The following AGAP2 variants were observed in gnomAD, a reference collection of about 807,000 sequenced individuals.
AGAP2 encodes the protein ArfGAP with GTPase domain, ankyrin repeat and PH domain 2, also known as arf-GAP with GTPase, ANK repeat and PH domain-containing protein 2.
A neutral mutation model predicts 110.9 loss-of-function variants in AGAP2; 32 were observed. The observed-to-expected ratio is 0.29, with a 90% CI of 0.22 to 0.39. The LOEUF is 0.39. AGAP2 is among the 10% of genes least tolerant of loss of function. The probability of loss-of-function intolerance (pLI) is 1.00; values close to 1 mark genes in which losing one functional copy is unlikely to be tolerated. For synonymous variants in AGAP2, 702 were observed against 713.0 expected, an observed-to-expected ratio of 0.98 and a Z score of 0.25; for missense variants, 1,285 against 1,638.5, an observed-to-expected ratio of 0.78 and a Z score of 3.72.
intron 2 of AGAP2, 149 bp downstream of exon 2, chr12:57,735,220 C>T: frequency 2.7e-6 from 2 of 730,744 alleles, no homozygotes; most frequent in Admixed American, 5.1e-5. Context: ...CATGTTGGTG[C>T]TATGAAGGCA....
At chr12:57,735,982 T>C (rs1954973374) in intron 1 of AGAP2, among the ~76,000 whole-genome samples, 1 of 152,114 alleles carries the variant, frequency 6.6e-6, no homozygotes, top group Non-Finnish European at 1.5e-5. Context: ...GATTTTCCTA[T>C]GCCTCCATCT....
intron 5 of AGAP2, 121 bp downstream of exon 5, chr12:57,733,905 G>A (rs761892473): frequency 1.7e-6 from 2 of 1,172,256 alleles, no homozygotes; most frequent in Non-Finnish European, 2.3e-6. Flanking sequence ...CCCTCCAGAA[G>A]GGTACTATAA....
Position 57,738,109 on chromosome 12 carries a change from G to A in AGAP2, c.138C>T (p.Gly46=), listed in dbSNP as rs1347914743. 2 of 1,523,048 alleles carry A rather than the reference G, an allele frequency of 1.3e-6. No homozygotes were observed. The highest frequency in any genetic ancestry group is 1.2e-5 in the South Asian group (1 of 83,486). The allele number at this position is 1,523,048 out of a possible 1,614,324, so 94.3% of individuals were successfully genotyped here. A position where few individuals can be genotyped will look rare whatever the true frequency, so the allele number is the denominator to read the frequency against. Residue 46 remains glycine, a synonymous_variant, in exon 1 of 19, where the codon GGC becomes GGT. Coordinates refer to ENST00000547588, the MANE Select transcript of AGAP2 (RefSeq NM_001122772.3). The surrounding 1 kb of genome is among the most constrained non-coding windows in gnomAD (Gnocchi z 6.7). ...GGCTGCCAGGATCCCCAGTCTCGGA[G>A]CCTCTGGCACCGGCGGCGCCGGCCG... ...AAAAGAAGAR[G]SETGDPGSPR...
Position 57,734,006 on chromosome 12 carries a change from C to T in AGAP2, c.1549+20G>A. On this transcript the variant is annotated intron_variant, in intron 5 of 18. Coordinates refer to ENST00000547588, the MANE Select transcript of AGAP2 (RefSeq NM_001122772.3). The stretch of plus-strand genomic sequence containing the variant: ...CTTAGGGCCTCCCTTGAAAGCAGTG[C>T]TTTCCTAACCCCTCCTTACCTTGTG... 6.5e-7 allele frequency: 1 copy of T among 1,546,268 alleles called. No homozygotes were observed. The highest frequency in any genetic ancestry group is 8.7e-7 in the Non-Finnish European group (1 of 1,147,046).
chr12:57,723,841 A>C (rs1169513285), downstream of AGAP2: 15 of 152,168 alleles, frequency 9.9e-5, no homozygotes. Flanking sequence ...GGAACTTCCC[A>C]CTTGCTCTTT....
intron 13 of AGAP2, among the ~76,000 whole-genome samples, chr12:57,728,821 A>T (rs1424380118): frequency 6.6e-6 from 1 of 152,008 alleles, no homozygotes; most frequent in Non-Finnish European, 1.5e-5. Context: ...AAGAATGGGG[A>T]TCACTATGGT....
chr12:57,736,708 C>T (rs932234276), intron 1 of AGAP2, among the ~76,000 whole-genome samples: 1 of 152,230 alleles, frequency 6.6e-6, no homozygotes, highest in African/African-American at 2.4e-5. Flanking sequence ...TCCCCTTCAC[C>T]TTCAACGTCG....
Position 57,737,566 on chromosome 12 carries a change from G to T in AGAP2, c.681C>A (p.Ser227Arg). The T allele has an allele frequency of 6.5e-7, 1 of 1,549,602 alleles. No homozygotes were observed. The highest frequency in any genetic ancestry group is 1.2e-5 in the South Asian group (1 of 84,264). ...GKPRVKGSKS[S>R]AGTGASVSAA... ...CAGAGACCGAAGCTCCAGTCCCGGC[G>T]CTGCTCTTTGACCCCTTGACCCTGG... Residue 227 changes from serine to arginine, a missense_variant, in exon 1 of 19, where the codon AGC becomes AGA. Ser to Arg is a moderately radical substitution (Grantham distance 110, BLOSUM62 -1). Around this residue, in one of 7 missense-constraint regions of AGAP2, gnomAD observed 844 missense variants for 941.2 expected, o/e 0.90. Coordinates refer to ENST00000547588, the MANE Select transcript of AGAP2 (RefSeq NM_001122772.3). This position sits in a 1 kb window ranked among gnomAD's most constrained non-coding sequence, Gnocchi z 5.9.
rs762989519 is a variant in AGAP2 at position 57,732,419 on chromosome 12, G to A, written c.1778C>T (p.Thr593Ile). 3 of 1,605,190 alleles carry A rather than the reference G, an allele frequency of 1.9e-6. No homozygotes were observed. Among genetic ancestry groups the A allele is most frequent in the African/African-American group, 2.7e-5 (2 of 74,840 alleles). The change falls in exon 7 of 19, where the codon ACT (threonine) becomes ATT (isoleucine). Residue 593 changes from threonine to isoleucine, a missense_variant. Thr to Ile is a moderately conservative substitution (Grantham distance 89, BLOSUM62 -1). This residue lies in a region of AGAP2 where 844 missense variants were observed against 941.2 expected (regional missense o/e 0.90). Transcript: ENST00000547588. ...PSSPSHSAAS[T>I]PVAGQASNGG... ...CCAACTCACCTGGCCAGCTACCGGA[G>A]TGGATGCAGCTGAGTGGCTTGGGGA...
chr12:57,737,099 G>T lies in AGAP2; in HGVS notation c.1148C>A (p.Ala383Asp). 6.4e-7 allele frequency: 1 copy of T among 1,551,572 alleles called. No individual in the cohort carries two copies. The highest frequency in any genetic ancestry group is 8.7e-7 in the Non-Finnish European group (1 of 1,149,592). ...CTCACTAGGGGAAGCGCGGAGCTCG[G>T]CGCCCAGCAGCTCCCTGGACCCGCT... ...SGSGSRELLG[A>D]ELRASPKAVI... is the part of the protein sequence containing the mutation. Residue 383 changes from alanine to aspartate, a missense_variant, in exon 1 of 19, where the codon GCC (alanine) becomes GAC (aspartate). Transcript: ENST00000547588. The surrounding 1 kb of genome is among the most constrained non-coding windows in gnomAD (Gnocchi z 5.9).
rs1405474445 is a variant in AGAP2 at position 57,737,482 on chromosome 12, C to T, written c.765G>A (p.Gly255=). The T allele has an allele frequency of 6.2e-7, 1 of 1,607,872 alleles. No individual in the cohort carries two copies. Among genetic ancestry groups the T allele is most frequent in the African/African-American group, 1.3e-5 (1 of 74,886 alleles). ...GGGSTASTSG[G]VGAGAGARGK... ...CTCGGGCTCCAGCCCCAGCCCCGACCCCACCAGAGGTCGAAGCTGTAGAGC... is the reference window on the plus strand; with the variant it reads ...CTCGGGCTCCAGCCCCAGCCCCGACTCCACCAGAGGTCGAAGCTGTAGAGC... Residue 255 remains glycine, a synonymous_variant, in exon 1 of 19, where the codon GGG becomes GGA. Transcript: ENST00000547588. The surrounding 1 kb of genome is among the most constrained non-coding windows in gnomAD (Gnocchi z 5.9).
At chr12:57,732,377 C>T (rs745437367) in intron 7 of AGAP2, 26 bp downstream of exon 7, 8 of 1,561,196 alleles carry the variant, frequency 5.1e-6, no homozygotes, top group Admixed American at 3.8e-5. Context: ...ACCGGCCCCT[C>T]TGCAGACTCT....
Position 57,737,398 on chromosome 12 carries a change from C to G in AGAP2, c.849G>C (p.Pro283=). ...GAGGAGGAGAGCCGGCAGGCGGTCC[C>G]GGATGCAAGTCACTGTTGTCCAAGG... The part of the protein sequence containing the change: ...SKTLDNSDLH[P]GPPAGSPPPL... The change falls in exon 1 of 19, where the codon CCG becomes CCC. Residue 283 remains proline (P), a synonymous_variant. Coordinates refer to ENST00000547588, the MANE Select transcript of AGAP2 (RefSeq NM_001122772.3). This position sits in a 1 kb window ranked among gnomAD's most constrained non-coding sequence, Gnocchi z 5.9. 1 of 1,613,806 alleles carries G rather than the reference C, an allele frequency of 6.2e-7. No homozygotes were observed. Among genetic ancestry groups the G allele is most frequent in the Non-Finnish European group, 8.5e-7 (1 of 1,179,812 alleles).
At chr12:57,741,536 G>C (rs1315311325), upstream of AGAP2, among the ~76,000 whole-genome samples, 2 of 152,096 alleles carry the variant, frequency 1.3e-5, no homozygotes, top group Non-Finnish European at 2.9e-5. Flanking sequence ...TGGGTCCTGG[G>C]AATGAACTCA....
chr12:57,729,175 C>CAAAAAA (rs766183934), intron 13 of AGAP2, among the ~76,000 whole-genome samples: 2 of 36,260 alleles, frequency 5.5e-5, no homozygotes. Flanking sequence ...GACTCCATCT[C>CAAAAAA]AAAAAAAAAA....
chr12:57,738,253 C>G lies in AGAP2; in HGVS notation c.-7G>C. On this transcript the variant is annotated 5_prime_UTR_variant, in exon 1 of 19. Coordinates refer to ENST00000547588, the MANE Select transcript of AGAP2 (RefSeq NM_001122772.3). The surrounding 1 kb of genome is among the most constrained non-coding windows in gnomAD (Gnocchi z 6.7). ...CGCCCGCGCCCCGGCTCATGGGGCC[C>G]GGAGACCCCCGAGCTGGGGAGGGGA... is the stretch of plus-strand genomic sequence containing the variant. 6.6e-7 allele frequency: 1 copy of G among 1,506,960 alleles called. No individual in the cohort carries two copies. Among genetic ancestry groups the G allele is most frequent in the Non-Finnish European group, 8.8e-7 (1 of 1,132,816 alleles). The allele number at this position is 1,506,960 out of a possible 1,614,324, so 93.3% of individuals were successfully genotyped here.
chr12:57,731,858 G>T lies in AGAP2; in HGVS notation c.1904C>A (p.Thr635Asn). 6.2e-7 allele frequency: 1 copy of T among 1,604,966 alleles called. No homozygotes were observed. The highest frequency in any genetic ancestry group is 8.5e-7 in the Non-Finnish European group (1 of 1,175,958). ...GGCTGCCCGGTGCAGGGACCCTGGG[G>T]TGCTCAATCCAGCCACTGCAGCTGC... ...AEAAAVAGLSTPGSLHRAAKR... is the reference protein window; with the variant it reads ...AEAAAVAGLSNPGSLHRAAKR... The change falls in exon 8 of 19, where the codon ACC becomes AAC. Residue 635 changes from threonine (T) to asparagine (N), a missense_variant. Physicochemically the swap from Thr to Asn is moderately conservative, Grantham distance 65 (BLOSUM62 0). Around this residue, in one of 7 missense-constraint regions of AGAP2, gnomAD observed 844 missense variants for 941.2 expected, o/e 0.90. Coordinates refer to ENST00000547588, the MANE Select transcript of AGAP2 (RefSeq NM_001122772.3).
chr12:57,728,101 G>T lies in AGAP2; in HGVS notation c.2618-16C>A. The T allele has an allele frequency of 6.3e-7, 1 of 1,580,446 alleles. No individual in the cohort carries two copies. Among genetic ancestry groups the T allele is most frequent in the East Asian group, 2.2e-5 (1 of 44,744 alleles). On this transcript the variant is annotated splice_polypyrimidine_tract_variant and intron_variant, in intron 14 of 18. Transcript: ENST00000547588. ...AAGTTTTCCTCTGAGTGGGGGATGGGATGGGGTCATTAAGGGACAGAGTTC... is the reference window on the plus strand; with the variant it reads ...AAGTTTTCCTCTGAGTGGGGGATGGTATGGGGTCATTAAGGGACAGAGTTC...
In AGAP2 at chr12:57,735,679, T is replaced by C. The variant is rs1236155738; in HGVS notation, c.1169-252A>G. ...CAAGACAAAAATACTTCAGTTGGCA[T>C]CTCCCTTAAAGCACATCCCCAAACG... On this transcript the variant is annotated intron_variant, in intron 1 of 18. Coordinates refer to ENST00000547588, the MANE Select transcript of AGAP2 (RefSeq NM_001122772.3). Among the ~76,000 whole-genome samples, 3 of 152,280 alleles carry C rather than the reference T, an allele frequency of 2.0e-5. No individual in the cohort carries two copies. In the East Asian group the frequency reaches 5.8e-4, roughly 29 times the overall value.
Sources: gnomAD v4.1 joint callset for allele counts (sites outside exome capture counted in the v4.1 genomes callset) on GRCh38, gnomAD v4.1.1 for gene constraint, gnomAD v4.1.1 regional missense constraint, Gnocchi (gnomAD v3.1) non-coding constraint, MANE v1.5 for transcripts, NCBI Gene and HGNC (gene_info 2026-07-23, HGNC 2026-07-21) for gene names.